The following ADAMTS6 variants were observed in gnomAD, a reference collection of about 807,000 sequenced individuals.
ADAMTS6 encodes A disintegrin and metalloproteinase with thrombospondin motifs 6.
A neutral mutation model predicts 144.3 loss-of-function variants in ADAMTS6; 23 were observed. The ratio of observed to expected loss-of-function variants is 0.16; its 90% confidence interval spans 0.11 to 0.23. ADAMTS6 has a LOEUF of 0.23. ADAMTS6 is among the 10% of genes least tolerant of loss of function. The pLI is 1.00. For missense variants in ADAMTS6, 999 were observed against 1,379.6 expected (o/e 0.72, Z 4.37); for synonymous variants, 444 against 457.5 (o/e 0.97, Z 0.38).
At chr5:65,429,841 C>T (rs1192499833) in intron 7 of ADAMTS6, among the ~76,000 whole-genome samples, 3 of 151,938 alleles carry the variant, frequency 2.0e-5, no homozygotes, top group Admixed American at 1.3e-4. Flanking sequence ...AGTTCACAAA[C>T]AAAATTAGAA....
chr5:65,208,945 G>T (rs1756305111), intron 20 of ADAMTS6, among the ~76,000 whole-genome samples: 1 of 152,152 alleles, frequency 6.6e-6, no homozygotes, highest in Admixed American at 6.5e-5. Context: ...AATTCTTAAA[G>T]CCTCCCCTAG....
At position 65,291,395 on chromosome 5, in the gene ADAMTS6, C is replaced by A; in HGVS notation, c.1446G>T (p.Gln482His). ...DFLYPAVAPG[Q>H]VYDADEQCRF... ...GACATTGCTCATCAGCATCATACACCTGACCTGGGGCCACAGCTGGATAAA... is the reference window on the plus strand; with the variant it reads ...GACATTGCTCATCAGCATCATACACATGACCTGGGGCCACAGCTGGATAAA... Residue 482 changes from glutamine to histidine, a missense_variant, in exon 11 of 25, where the codon CAG (glutamine) becomes CAT (histidine). Around this residue, in one of 3 missense-constraint regions of ADAMTS6, gnomAD observed 619 missense variants for 837.0 expected, o/e 0.74. Coordinates refer to ENST00000381055, the MANE Select transcript of ADAMTS6 (RefSeq NM_197941.4). The A allele has an allele frequency of 6.2e-7, 1 of 1,614,060 alleles. No individual in the cohort carries two copies. The highest frequency in any genetic ancestry group is 1.7e-5 in the Admixed American group (1 of 60,016).
intron 9 of ADAMTS6, among the ~76,000 whole-genome samples, chr5:65,306,289 A>G (rs1743934673): frequency 6.6e-6 from 1 of 152,212 alleles, no homozygotes; most frequent in African/African-American, 2.4e-5. Context: ...ATTTAATAAA[A>G]CTAATAATTT....
intron 7 of ADAMTS6, among the ~76,000 whole-genome samples, chr5:65,352,234 G>C (rs983290262): frequency 6.6e-6 from 1 of 152,004 alleles, no homozygotes; most frequent in African/African-American, 2.4e-5. Flanking sequence ...ACCAAAAGAA[G>C]AATTTAAAAT....
intron 18 of ADAMTS6, among the ~76,000 whole-genome samples, chr5:65,219,290 A>G (rs1757142265): frequency 6.6e-6 from 1 of 152,210 alleles, no homozygotes; most frequent in African/African-American, 2.4e-5. Flanking sequence ...GTAGAAGTGA[A>G]TAGTTGTAAC....
intron 12 of ADAMTS6, among the ~76,000 whole-genome samples, chr5:65,265,063 C>G (rs1761504888): frequency 6.6e-6 from 1 of 151,922 alleles, no homozygotes; most frequent in Non-Finnish European, 1.5e-5. Context: ...GCATAACGGA[C>G]TTTTTAGAGC....
chr5:65,276,483 CTTT>C (rs1012992001), intron 11 of ADAMTS6, among the ~76,000 whole-genome samples: 1 of 151,920 alleles, frequency 6.6e-6, no homozygotes, highest in Non-Finnish European at 1.5e-5. Context: ...TTTCCCAAGA[CTTT>C]TTTTTCTTTT....
At chr5:65,444,660 A>G (rs1323807263) in intron 7 of ADAMTS6, among the ~76,000 whole-genome samples, 4 of 152,176 alleles carry the variant, frequency 2.6e-5, no homozygotes, top group Admixed American at 2.6e-4. Flanking sequence ...AGTTCGCTAG[A>G]CCACAGTCCA....
chr5:65,391,074 C>T (rs1224317999), intron 7 of ADAMTS6, among the ~76,000 whole-genome samples: 1 of 151,946 alleles, frequency 6.6e-6, no homozygotes, highest in Non-Finnish European at 1.5e-5. Context: ...GCACACACCA[C>T]CACAGCTGGC....
chr5:65,187,918 T>C, intron 22 of ADAMTS6, 98 bp downstream of exon 22: 1 of 1,226,144 alleles, frequency 8.2e-7, no homozygotes. Context: ...CCTTACTTGT[T>C]GAGTTCTAAG....
intron 9 of ADAMTS6, among the ~76,000 whole-genome samples, chr5:65,323,087 C>A (rs1432498349): frequency 6.6e-6 from 1 of 152,034 alleles, no homozygotes; most frequent in Non-Finnish European, 1.5e-5. Flanking sequence ...AAATTACAAA[C>A]CAACCAATTT....
At chr5:65,395,848 C>T (rs1383524809) in intron 7 of ADAMTS6, among the ~76,000 whole-genome samples, 2 of 152,180 alleles carry the variant, frequency 1.3e-5, no homozygotes, top group African/African-American at 2.4e-5. Flanking sequence ...TGACATTCAG[C>T]AATAACTTGT....
chr5:65,461,696 G>A (rs1759653442), intron 3 of ADAMTS6, among the ~76,000 whole-genome samples: 1 of 152,104 alleles, frequency 6.6e-6, no homozygotes, highest in Admixed American at 6.5e-5. Flanking sequence ...TGCCCTCAGG[G>A]GATTGCCCCA....
chr5:65,370,769 C>T (rs1325125870), intron 7 of ADAMTS6, among the ~76,000 whole-genome samples: 1 of 152,196 alleles, frequency 6.6e-6, no homozygotes, highest in Non-Finnish European at 1.5e-5. Flanking sequence ...GGGTGGAGCC[C>T]ACCACAGCTC....
At chr5:65,254,675 CTGATGTTGTT>C (rs1235399844) in intron 14 of ADAMTS6, among the ~76,000 whole-genome samples, 2 of 152,146 alleles carry the variant, frequency 1.3e-5, no homozygotes, top group African/African-American at 4.8e-5. Context: ...CTCAGCTATG[CTGATGTTGTT>C]TGACTCCCAC....
chr5:65,161,506 C>G (rs1752778577), intron 24 of ADAMTS6, among the ~76,000 whole-genome samples: 1 of 152,170 alleles, frequency 6.6e-6, no homozygotes, highest in Non-Finnish European at 1.5e-5. Flanking sequence ...ATGAAGCCTG[C>G]CTTGATGGAA....
At position 65,187,999 on chromosome 5, in the gene ADAMTS6, G is replaced by T. The variant is rs1241689043; in HGVS notation, c.2910+17C>A. ...GGACATTTCAAAACATATACATATA[G>T]CCTCAGATTTCCTTACCTCAGACCA... On this transcript the variant is annotated intron_variant, in intron 22 of 24. Transcript: ENST00000381055. 6.2e-7 allele frequency: 1 copy of T among 1,612,702 alleles called. No homozygotes were observed. The highest frequency in any genetic ancestry group is 1.1e-5 in the South Asian group (1 of 91,046).
At chr5:65,237,714 A>C (rs1257236956) in intron 15 of ADAMTS6, among the ~76,000 whole-genome samples, 1 of 152,228 alleles carries the variant, frequency 6.6e-6, no homozygotes, top group Admixed American at 6.5e-5. Flanking sequence ...ATCCACAATA[A>C]AACATTATCA....
intron 20 of ADAMTS6, among the ~76,000 whole-genome samples, chr5:65,204,129 C>T (rs1255870205): frequency 1.3e-5 from 2 of 152,138 alleles, no homozygotes; most frequent in African/African-American, 4.8e-5. Context: ...AAAATGCAAT[C>T]CACAACATGC....
Sources: gnomAD v4.1 joint callset for allele counts (sites outside exome capture counted in the v4.1 genomes callset) on GRCh38, gnomAD v4.1.1 for gene constraint, gnomAD v4.1.1 regional missense constraint, MANE v1.5 for transcripts, NCBI Gene and HGNC (gene_info 2026-07-23, HGNC 2026-07-21) for gene names.